RABL6: variants seen among roughly 807,000 people sequenced by gnomAD.
The protein encoded by RABL6 is rab-like protein 6.
In RABL6, 28 loss-of-function variants were observed where a neutral mutation model predicts 72.9. The observed-to-expected ratio is 0.38, with a 90% confidence interval of 0.28 to 0.53. RABL6 has a LOEUF of 0.53. RABL6 is among the 20% of genes least tolerant of loss of function. The pLI, the probability that RABL6 is intolerant of heterozygous loss-of-function variation, is 0.80. For synonymous variants in RABL6, 477 were observed against 421.2 expected (o/e 1.13, Z -1.62); for missense variants, 1,029 against 1,008.4 (o/e 1.02, Z -0.28).
chr9:136,830,031 G>A (rs10124993), intron 5 of RABL6, among the ~76,000 whole-genome samples: 3,161 of 152,346 alleles, frequency 0.021, 95 homozygotes, highest in East Asian at 0.11. Flanking sequence ...CCAGCGGGGG[G>A]GTGCTGCGGA....
chr9:136,835,388 C>T (rs567803766), intron 7 of RABL6: 7 of 193,402 alleles, frequency 3.6e-5, no homozygotes, highest in South Asian at 2.3e-4. Context: ...GTGTGCGTGG[C>T]GGGGAGCAGA....
rs540422740 is a variant in RABL6, at chr9:136,817,821, C to T, written c.131-5704C>T. On this transcript the variant is annotated intron_variant, in intron 1 of 14. Coordinates refer to ENST00000311502, the MANE Select transcript of RABL6 (RefSeq NM_024718.5). The stretch of plus-strand genomic sequence containing the variant: ...TCACACTTCTAATTCCAGCACTTTG[C>T]GAGGCTGAGGCAGGTGGATCACTTG... Among the ~76,000 whole-genome samples the T allele has an allele frequency of 8.1e-4, 123 of 152,030 alleles. 2 individuals carry two copies. The South Asian group carries it at 0.022, about 27-fold the overall frequency.
intron 1 of RABL6, chr9:136,821,614 C>G: frequency 1.0e-6 from 1 of 987,444 alleles, no homozygotes; most frequent in Non-Finnish European, 1.2e-6. Flanking sequence ...GCCCGGGTTC[C>G]TGCCTCGGGC....
At chr9:136,808,547 C>T (rs1847923004) in intron 1 of RABL6, 3 of 299,770 alleles carry the variant, frequency 1.0e-5, no homozygotes, top group Non-Finnish European at 1.7e-5. Context: ...GGTCGTTTCC[C>T]AGCCGCACTC....
In RABL6 at chr9:136,813,235, G is replaced by T. The variant is rs756203509; in HGVS notation, c.130+4909G>T. On this transcript the variant is annotated intron_variant, in intron 1 of 14. Transcript: ENST00000311502. ...TGCCCCCAGTTTCCCTTTTATTACA[G>T]GAATTTAAAGCTGCTTTATCATCTT... The T allele has an allele frequency of 2.2e-5, 12 of 539,122 alleles. No individual in the cohort carries two copies. The Middle Eastern group carries it at 1.8e-3, about 82-fold the overall frequency. 33.4% of individuals were successfully genotyped at this position (539,122 alleles called of 1,614,324 possible). A position where few individuals can be genotyped will look rare whatever the true frequency, so the allele number is the denominator to read the frequency against.
rs760804236 is a variant in RABL6 at position 136,840,224 on chromosome 9, T to A, written c.1989+12T>A. On this transcript the variant is annotated intron_variant, in intron 14 of 14. Transcript: ENST00000311502. ...AAAAAGGCAAAGAGGTACTGGCTAC[T>A]CCCCTTCCTGGCAGGCCAGGACTGG... 2.5e-6 allele frequency: 4 copies of A among 1,612,544 alleles called. No homozygotes were observed. In the African/African-American group the frequency reaches 4.0e-5, roughly 16 times the overall value.
Position 136,839,571 on chromosome 9 carries a change from G to A in RABL6, c.1758+85G>A. 4 of 1,552,712 alleles carry A rather than the reference G, an allele frequency of 2.6e-6. No homozygotes were observed. In the South Asian group the frequency reaches 3.7e-5, roughly 14 times the overall value. On this transcript the variant is annotated intron_variant, in intron 12 of 14. Transcript: ENST00000311502. ...CTGATCTGGGTGGGTGCAGTGGGAG[G>A]AGGCTTCTGGAAGAGGCATCTCATG...
intron 2 of RABL6, among the ~76,000 whole-genome samples, chr9:136,824,512 G>C (rs1369816577): frequency 1.3e-5 from 2 of 151,784 alleles, no homozygotes; most frequent in Non-Finnish European, 2.9e-5. Context: ...TGTATTTTTA[G>C]TAGAGACGGG....
intron 7 of RABL6, 31 bp from the exon 8 acceptor site, chr9:136,835,711 C>T (rs763591742): frequency 4.2e-5 from 65 of 1,533,956 alleles, no homozygotes; most frequent in Non-Finnish European, 5.4e-5. Context: ...GGAAGGAGCC[C>T]TGCTCAGGCC....
chr9:136,820,947 C>G (rs1484785871), intron 1 of RABL6, among the ~76,000 whole-genome samples: 2 of 152,162 alleles, frequency 1.3e-5, no homozygotes, highest in Non-Finnish European at 2.9e-5. Context: ...AAGATGTTCT[C>G]AAGCCGTGGA....
chr9:136,821,622 G>A (rs972016479), intron 1 of RABL6: 14 of 987,952 alleles, frequency 1.4e-5, no homozygotes, highest in African/African-American at 1.7e-5. Context: ...TCCTGCCTCG[G>A]GCCGGAGGAG....
chr9:136,835,527 T>G, intron 7 of RABL6: 1 of 538,504 alleles, frequency 1.9e-6, no homozygotes, highest in East Asian at 3.1e-5. Flanking sequence ...TGGCAGTGTG[T>G]AGGTGTCGTG....
Position 136,840,400 on chromosome 9 carries a change from C to A in RABL6, c.2068C>A (p.Arg690=). Residue 690 remains arginine (R), a synonymous_variant, in exon 15 of 15, where the codon CGG becomes AGG. Transcript: ENST00000311502. The part of the protein sequence containing the change: ...DKEEGKEERR[R]RQQRPPRSRE... ...GGAGGAGGGCAAGGAGGAGCGGCGA[C>A]GGCGGCAGCAGCGGCCCCCGCGCAG... is the stretch of plus-strand genomic sequence containing the variant. 6.4e-7 allele frequency: 1 copy of A among 1,551,242 alleles called. No individual in the cohort carries two copies. The highest frequency in any genetic ancestry group is 8.7e-7 in the Non-Finnish European group (1 of 1,147,478).
In RABL6 at chr9:136,823,547, C is replaced by T; in HGVS notation, c.153C>T (p.Asp51=). 2.5e-6 allele frequency: 4 copies of T among 1,613,822 alleles called. No homozygotes were observed. Among genetic ancestry groups the T allele is most frequent in the Non-Finnish European group, 3.4e-6 (4 of 1,179,868 alleles). ...CAGTGAAGATAGTGATCCGGGGAGA[C>T]AGGAACACGGGCAAGACAGCGCTGT... is the stretch of plus-strand genomic sequence containing the variant. ...QYNMKIVIRG[D]RNTGKTALWH... The change falls in exon 2 of 15, where the codon GAC becomes GAT. Residue 51 remains aspartate (D), a synonymous_variant. Transcript: ENST00000311502.
At chr9:136,819,662 A>C (rs1188158889) in intron 1 of RABL6, among the ~76,000 whole-genome samples, 1 of 152,230 alleles carries the variant, frequency 6.6e-6, no homozygotes, top group Non-Finnish European at 1.5e-5. Flanking sequence ...CAGTGATGCC[A>C]TATGCAGAAT....
At position 136,840,510 on chromosome 9, in the gene RABL6, C is replaced by CGAGGAGCTCTAGGCCG; in HGVS notation, c.2180_*5dup. On this transcript the variant is annotated stop_gained and frameshift_variant, in exon 15 of 15. Transcript: ENST00000311502. LOFTEE classifies it high-confidence loss of function. ...GCCGCCACCCTGGGGGTGGCGACTA[C>CGAGGAGCTCTAGGCCG]GAGGAGCTCTAGGCCGGCGTGGGCA... The CGAGGAGCTCTAGGCCG allele has an allele frequency of 6.6e-7, 1 of 1,513,218 alleles. No homozygotes were observed. The highest frequency in any genetic ancestry group is 8.9e-7 in the Non-Finnish European group (1 of 1,129,022). The allele number at this position is 1,513,218 out of a possible 1,614,324, so 93.7% of individuals were successfully genotyped here.
chr9:136,823,902 C>T (rs140687403), intron 2 of RABL6, among the ~76,000 whole-genome samples: 1 of 152,178 alleles, frequency 6.6e-6, no homozygotes, highest in South Asian at 2.1e-4. Context: ...CAGCGTTGGC[C>T]GCAGGTGAGT....
intron 1 of RABL6, among the ~76,000 whole-genome samples, chr9:136,810,399 G>T (rs1847983379): frequency 6.6e-6 from 1 of 152,182 alleles, no homozygotes; most frequent in Non-Finnish European, 1.5e-5. Context: ...CTGAATGAAA[G>T]GTGGTGAGAC....
chr9:136,816,650 G>C (rs1438992049), intron 1 of RABL6, among the ~76,000 whole-genome samples: 1 of 150,594 alleles, frequency 6.6e-6, no homozygotes, highest in Non-Finnish European at 1.5e-5. Context: ...CTGGGAGGTG[G>C]AGGTTGCAGT....
Sources: allele counts gnomAD v4.1 joint callset (sites outside exome capture counted in the v4.1 genomes callset), GRCh38; gene constraint gnomAD v4.1.1; transcripts MANE v1.5; gene names NCBI Gene and HGNC (gene_info 2026-07-23, HGNC 2026-07-21).